SPECC1L: variants seen among roughly 807,000 people sequenced by gnomAD.
SPECC1L encodes cytospin-A.
Under a neutral mutation model 116.8 loss-of-function variants are expected in SPECC1L, and 40 were observed. The observed-to-expected ratio is 0.34, with a 90% CI of 0.27 to 0.45. SPECC1L has a LOEUF of 0.45. Among genes scored for constraint, SPECC1L ranks in the 20% least tolerant of loss-of-function variants. SPECC1L has a pLI of 1.00. For synonymous variants in SPECC1L, 504 were observed against 500.6 expected, an observed-to-expected ratio of 1.01 and a Z score of -0.09; for missense variants, 1,110 against 1,373.6, an observed-to-expected ratio of 0.81 and a Z score of 3.03.
Position 24,354,864 on chromosome 22 carries a change from A to G in SPECC1L, c.2743+7688A>G, listed in dbSNP as rs117292126. Among the ~76,000 whole-genome samples, 577 of 151,812 alleles carry G rather than the reference A, an allele frequency of 3.8e-3. 2 individuals are homozygous for G. Among genetic ancestry groups the G allele is most frequent in the Admixed American group, 6.5e-3 (99 of 15,272 alleles). On this transcript the variant is annotated intron_variant, in intron 11 of 16. Coordinates refer to ENST00000314328, the MANE Select transcript of SPECC1L (RefSeq NM_015330.6). ...TCTTTAGTAGAGACAGGGTTTCACC[A>G]TGTTGGCCATCTCATGACCTTGTGA...
At chr22:24,272,846 CCA>C in intron 1 of SPECC1L, among the ~76,000 whole-genome samples, 1 of 152,132 alleles carries the variant, frequency 6.6e-6, no homozygotes, top group Non-Finnish European at 1.5e-5. Context: ...TTAGTGTATA[CCA>C]CACAGAGTCG....
chr22:24,355,625 G>C (rs1044897548), intron 11 of SPECC1L, among the ~76,000 whole-genome samples: 1 of 151,996 alleles, frequency 6.6e-6, no homozygotes, highest in African/African-American at 2.4e-5. Flanking sequence ...TCTTTTGGGG[G>C]TGAGAAACTT....
intron 15 of SPECC1L, chr22:24,412,372 C>T: frequency 3.7e-6 from 2 of 540,586 alleles, no homozygotes; most frequent in East Asian, 6.6e-5. Flanking sequence ...GTTCAGGTGC[C>T]ACAGCATTGG....
chr22:24,328,751 T>A, intron 6 of SPECC1L, 95 bp from the exon 7 acceptor site: 1 of 975,258 alleles, frequency 1.0e-6, no homozygotes. Context: ...AGGATAACTT[T>A]TTTCGAATGT....
At chr22:24,405,970 G>A (rs1021901702) in intron 14 of SPECC1L, among the ~76,000 whole-genome samples, 2 of 152,164 alleles carry the variant, frequency 1.3e-5, no homozygotes, top group South Asian at 2.1e-4. Flanking sequence ...CCCAGGAAGT[G>A]TCAAACCTGG....
rs1367848798 is a variant in SPECC1L at position 24,321,638 on chromosome 22, T to G, written c.658T>G (p.Ser220Ala). ...RAQLGINEDH[S>A]EGDEKSEKET... ...CCAGCTGGGCATTAATGAGGATCAT[T>G]CTGAGGGTGATGAAAAATCTGAGAA... The change falls in exon 5 of 17, where the codon TCT (serine) becomes GCT (alanine). Residue 220 changes from serine (S) to alanine (A), a missense_variant. Ser to Ala is a moderately conservative substitution (Grantham distance 99). This residue lies in a region of SPECC1L where 437 missense variants were observed against 482.6 expected (regional missense o/e 0.91). Transcript: ENST00000314328. The G allele has an allele frequency of 1.2e-6, 2 of 1,614,216 alleles. No homozygotes were observed. Among genetic ancestry groups the G allele is most frequent in the South Asian group, 2.2e-5 (2 of 91,080 alleles).
intron 16 of SPECC1L, among the ~76,000 whole-genome samples, chr22:24,414,300 G>A (rs1007673045): frequency 2.0e-5 from 3 of 152,240 alleles, no homozygotes; most frequent in Non-Finnish European, 2.9e-5. Context: ...CTGCAGAGCC[G>A]TGAGCAGGGA....
At chr22:24,272,192 C>T (rs113040571) in intron 1 of SPECC1L, among the ~76,000 whole-genome samples, 1 of 152,112 alleles carries the variant, frequency 6.6e-6, no homozygotes, top group Admixed American at 6.5e-5. Flanking sequence ...ACCAGCCTGA[C>T]CAACATGGTG....
chr22:24,372,755 G>A lies in SPECC1L; in HGVS notation c.3087+3435G>A, dbSNP rs535504885. 6.6e-5 allele frequency among the ~76,000 whole-genome samples: 10 copies of A among 151,200 alleles called. No homozygotes were observed. The South Asian group carries it at 1.9e-3, about 28-fold the overall frequency. On this transcript the variant is annotated intron_variant, in intron 14 of 16. Transcript: ENST00000314328. ...TCTCTCACCACTCCTATTCAACATA[G>A]TGTTGGAAGTTCTGGCCAGGGCAGT...
chr22:24,390,852 CTTTTTTTTTTTTTTCTTTTCTTTTTTTT>C (rs1198387781), intron 14 of SPECC1L, among the ~76,000 whole-genome samples: 16 of 48,554 alleles, frequency 3.3e-4, no homozygotes, highest in Admixed American at 1.0e-3. Context: ...GCCTGTGTTC[CTTTTTTTTTTTTTTCTTTTCTTTTTTTT>C]TTTTTTTTTT....
Position 24,414,827 on chromosome 22 carries a change from C to A in SPECC1L, c.*204C>A. On this transcript the variant is annotated 3_prime_UTR_variant, in exon 17 of 17. Transcript: ENST00000314328. ...TCCCACCAGGGCCCCTCCCACATGACCCGTCCATTCAGGTCATGTGGGCTC... is the reference window on the plus strand; with the variant it reads ...TCCCACCAGGGCCCCTCCCACATGAACCGTCCATTCAGGTCATGTGGGCTC... 1.7e-6 allele frequency: 1 copy of A among 599,544 alleles called. No homozygotes were observed. The highest frequency in any genetic ancestry group is 3.0e-6 in the Non-Finnish European group (1 of 331,298). 37.1% of individuals were successfully genotyped at this position (599,544 alleles called of 1,614,324 possible).
intron 14 of SPECC1L, among the ~76,000 whole-genome samples, chr22:24,391,555 G>T (rs910489150): frequency 6.6e-6 from 1 of 152,176 alleles, no homozygotes; most frequent in African/African-American, 2.4e-5. Context: ...CTTGTATACA[G>T]CACCAGTCCT....
chr22:24,359,146 T>C (rs556825035), intron 11 of SPECC1L, among the ~76,000 whole-genome samples: 113 of 152,102 alleles, frequency 7.4e-4, no homozygotes, highest in South Asian at 4.8e-3. Context: ...TACTATACTT[T>C]CTTCCTTACT....
chr22:24,327,231 T>C (rs979764777), intron 6 of SPECC1L, among the ~76,000 whole-genome samples: 1 of 123,328 alleles, frequency 8.1e-6, no homozygotes, highest in African/African-American at 3.1e-5. Flanking sequence ...TGAGCTGAAA[T>C]CATGCCACTG....
In SPECC1L at chr22:24,292,456, A is replaced by G. The variant is rs55710668; in HGVS notation, c.-37-9739A>G. Among the ~76,000 whole-genome samples the G allele has an allele frequency of 7.4e-3, 1,129 of 152,184 alleles. 6 individuals carry two copies. Among genetic ancestry groups the G allele is most frequent in the South Asian group, 0.012 (60 of 4,822 alleles). ...ATGTTCTTGTTGGTTTACACATGTT[A>G]TTTTTTACAAGAACTCTATAAACTA... On this transcript the variant is annotated intron_variant, in intron 2 of 16. Coordinates refer to ENST00000314328, the MANE Select transcript of SPECC1L (RefSeq NM_015330.6).
At chr22:24,381,814 G>T (rs2146695366) in intron 14 of SPECC1L, among the ~76,000 whole-genome samples, 1 of 152,296 alleles carries the variant, frequency 6.6e-6, no homozygotes, top group Non-Finnish European at 1.5e-5. Flanking sequence ...AAACCGGGAG[G>T]CAGAGGTTGC....
At chr22:24,304,412 G>A (rs2049448000) in intron 3 of SPECC1L, 1 of 152,248 alleles carries the variant, frequency 6.6e-6, no homozygotes, top group Non-Finnish European at 1.5e-5. Context: ...TTCACTGCTG[G>A]TTGGAGCTTT....
chr22:24,288,680 C>T (rs538987510), intron 2 of SPECC1L, among the ~76,000 whole-genome samples: 13 of 118,394 alleles, frequency 1.1e-4, no homozygotes, highest in African/African-American at 4.3e-4. Flanking sequence ...GGCTGGAGTG[C>T]AATGGCGTGA....
At chr22:24,361,793 T>TC in intron 11 of SPECC1L, among the ~76,000 whole-genome samples, 1 of 146,540 alleles carries the variant, frequency 6.8e-6, no homozygotes, top group Non-Finnish European at 1.5e-5. Flanking sequence ...GAAATCCTGT[T>TC]CCCCCCTCTC....
Sources: allele counts gnomAD v4.1 joint callset (sites outside exome capture counted in the v4.1 genomes callset), GRCh38; gene constraint gnomAD v4.1.1; regional missense constraint gnomAD v4.1.1; transcripts MANE v1.5; gene names NCBI Gene and HGNC (gene_info 2026-07-23, HGNC 2026-07-21).